The following POLN variants were observed in gnomAD, a reference collection of about 807,000 sequenced individuals.
POLN encodes DNA polymerase N.
A neutral mutation model predicts 113.5 loss-of-function variants in POLN; 108 were observed. The observed-to-expected ratio is 0.95, with a 90% CI of 0.81 to 1.12. POLN has a LOEUF of 1.12. POLN is among the 50% of genes most tolerant of loss of function. POLN has a pLI of 0.00. For missense variants in POLN, 1,097 were observed against 1,077.1 expected, an observed-to-expected ratio of 1.02 and a Z score of -0.26; for synonymous variants, 386 against 391.5, an observed-to-expected ratio of 0.99 and a Z score of 0.17.
chr4:2,079,582 G>C (rs1196882743), intron 23 of POLN: 2 of 985,294 alleles, frequency 2.0e-6, no homozygotes, highest in African/African-American at 3.5e-5. Flanking sequence ...AGGACTGAGA[G>C]TGAATCTTAT....
intron 24 of POLN, among the ~76,000 whole-genome samples, chr4:2,074,529 G>A (rs1420924184): frequency 6.6e-6 from 1 of 152,190 alleles, no homozygotes; most frequent in Non-Finnish European, 1.5e-5. Context: ...AGGTGGGTGT[G>A]TTTTCAAATG....
intron 6 of POLN, among the ~76,000 whole-genome samples, chr4:2,195,459 G>GT (rs58164574): frequency 2.3e-3 from 294 of 128,446 alleles, no homozygotes; most frequent in South Asian, 5.4e-3. Flanking sequence ...AGGTAATTCT[G>GT]TTTTTTTTTT....
intron 3 of POLN, among the ~76,000 whole-genome samples, chr4:2,216,479 C>T (rs1475110995): frequency 6.6e-6 from 1 of 152,212 alleles, no homozygotes; most frequent in South Asian, 2.1e-4. Flanking sequence ...CACCTCCAGG[C>T]TGCACACGAG....
At chr4:2,190,258 C>T (rs1034157913) in intron 7 of POLN, among the ~76,000 whole-genome samples, 2 of 152,096 alleles carry the variant, frequency 1.3e-5, no homozygotes, top group Admixed American at 1.3e-4. Context: ...TAAATCAACA[C>T]ATTTACAGCC....
intron 19 of POLN, among the ~76,000 whole-genome samples, chr4:2,104,551 G>C (rs1731001205): frequency 6.6e-6 from 1 of 152,178 alleles, no homozygotes; most frequent in East Asian, 1.9e-4. Flanking sequence ...CAGGAAGGAA[G>C]ATCAGTCTTT....
At chr4:2,083,973 C>T (rs909327613) in intron 21 of POLN, among the ~76,000 whole-genome samples, 1 of 152,258 alleles carries the variant, frequency 6.6e-6, no homozygotes, top group African/African-American at 2.4e-5. Context: ...AGTGAGTCTG[C>T]TCCAGCTGGG....
chr4:2,075,909 C>A (rs527553276), intron 23 of POLN, among the ~76,000 whole-genome samples: 1 of 152,274 alleles, frequency 6.6e-6, no homozygotes, highest in East Asian at 1.9e-4. Flanking sequence ...CGTCTGAAGT[C>A]TGGGCAGGGA....
chr4:2,120,273 A>C (rs573564302), intron 19 of POLN, among the ~76,000 whole-genome samples: 1 of 152,180 alleles, frequency 6.6e-6, no homozygotes, highest in South Asian at 2.1e-4. Flanking sequence ...AAGCTTGTCC[A>C]TGTCTACAAA....
intron 19 of POLN, among the ~76,000 whole-genome samples, chr4:2,107,468 A>G (rs914651894): frequency 1.3e-4 from 20 of 152,034 alleles, no homozygotes; most frequent in Non-Finnish European, 2.9e-4. Flanking sequence ...ATTGTCAGCC[A>G]TTGAAGGCTT....
chr4:2,215,475 C>A (rs1019634838), intron 3 of POLN, among the ~76,000 whole-genome samples: 1 of 152,182 alleles, frequency 6.6e-6, no homozygotes, highest in African/African-American at 2.4e-5. Context: ...CAAAGGCCTG[C>A]CCTGAGCTGA....
intron 20 of POLN, among the ~76,000 whole-genome samples, chr4:2,095,269 G>A (rs1313710264): frequency 6.6e-6 from 1 of 152,076 alleles, no homozygotes; most frequent in Admixed American, 6.6e-5. Context: ...TGCAGAAGAG[G>A]CCCCAGGCAG....
At position 2,208,201 on chromosome 4, in the gene POLN, TTC is replaced by T; in HGVS notation, c.498_499del (p.Lys167AsnfsTer3). ...TTCCAATGCCATTTGTTTACTTGTT[TTC>T]TCTGACAAATTATTATATGTAATAT... On this transcript the variant is annotated frameshift_variant, in exon 5 of 26. Transcript: ENST00000511885. LOFTEE classifies it high-confidence loss of function. 6.2e-7 allele frequency: 1 copy of T among 1,605,318 alleles called. No homozygotes were observed. Among genetic ancestry groups the T allele is most frequent in the Non-Finnish European group, 8.5e-7 (1 of 1,172,282 alleles).
chr4:2,075,172 G>A (rs761575562), intron 24 of POLN, among the ~76,000 whole-genome samples: 1 of 152,234 alleles, frequency 6.6e-6, no homozygotes, highest in Non-Finnish European at 1.5e-5. Context: ...AGCCTTGGGT[G>A]TCTGCAGCTG....
intron 2 of POLN, among the ~76,000 whole-genome samples, chr4:2,234,664 T>TA (rs1734695188): frequency 6.6e-6 from 1 of 151,976 alleles, no homozygotes; most frequent in Non-Finnish European, 1.5e-5. Flanking sequence ...ATGCCTTACA[T>TA]TACTAAGCAA....
chr4:2,154,467 T>G (rs1425146692), intron 16 of POLN, among the ~76,000 whole-genome samples: 2 of 152,054 alleles, frequency 1.3e-5, no homozygotes, highest in African/African-American at 4.8e-5. Context: ...AAATGGAAAT[T>G]GAAAAAATGA....
chr4:2,134,495 C>A (rs949989126), intron 16 of POLN, among the ~76,000 whole-genome samples: 1 of 152,130 alleles, frequency 6.6e-6, no homozygotes, highest in Non-Finnish European at 1.5e-5. Flanking sequence ...TGCTCCACAC[C>A]CTCACCAATT....
At chr4:2,143,917 C>T (rs1038848569) in intron 16 of POLN, among the ~76,000 whole-genome samples, 2 of 152,024 alleles carry the variant, frequency 1.3e-5, no homozygotes, top group Non-Finnish European at 2.9e-5. Flanking sequence ...ATCTTAATAA[C>T]CCAAAACTGG....
chr4:2,081,085 G>C, intron 22 of POLN, 49 bp from the exon 23 acceptor site: 1 of 1,612,212 alleles, frequency 6.2e-7, no homozygotes, highest in Non-Finnish European at 8.5e-7. Context: ...CACGGTTCAT[G>C]GTGCACTCAG....
chr4:2,081,310 G>A, intron 22 of POLN: 1 of 892,642 alleles, frequency 1.1e-6, no homozygotes, highest in African/African-American at 1.7e-5. Flanking sequence ...AAGGGCCTAG[G>A]CCAAGTGCCA....
Sources: gnomAD v4.1 joint callset for allele counts (sites outside exome capture counted in the v4.1 genomes callset) on GRCh38, gnomAD v4.1.1 for gene constraint, MANE v1.5 for transcripts, NCBI Gene and HGNC (gene_info 2026-07-23, HGNC 2026-07-21) for gene names.